GNAI2: variants seen among roughly 807,000 people sequenced by gnomAD.
GNAI2 encodes the protein guanine nucleotide-binding protein G(i) subunit alpha-2.
A neutral mutation model predicts 36.8 loss-of-function variants in GNAI2; 4 were observed. The ratio of observed to expected loss-of-function variants is 0.11; its 90% CI spans 0.05 to 0.25. The LOEUF (loss-of-function observed/expected upper bound fraction) is 0.25, where lower values mean the gene tolerates loss of function less well. Among genes scored for constraint, GNAI2 ranks in the 10% least tolerant of loss-of-function variants. The pLI is 1.00. For synonymous variants in GNAI2, 194 were observed against 194.1 expected (o/e 1.00, Z 0.01); for missense variants, 230 against 481.3 (o/e 0.48, Z 4.89).
At position 50,236,502 on chromosome 3, in the gene GNAI2, C is replaced by T; in HGVS notation, c.118+49C>T. On this transcript the variant is annotated intron_variant, in intron 1 of 8. Coordinates refer to ENST00000313601, the MANE Select transcript of GNAI2 (RefSeq NM_002070.4). The surrounding 1 kb of genome is among the most constrained non-coding windows in gnomAD (Gnocchi z 4.0). ...ATCCTTGATTCCCAGCTCGAATCCC[C>T]AGACAAGGACTTTGACCTCCCAGAC... is the stretch of plus-strand genomic sequence containing the variant. 6.4e-7 allele frequency: 1 copy of T among 1,553,038 alleles called. No individual in the cohort carries two copies. Among genetic ancestry groups the T allele is most frequent in the Non-Finnish European group, 8.7e-7 (1 of 1,155,248 alleles).
At chr3:50,232,670 T>G (rs1553699913), upstream of GNAI2, among the ~76,000 whole-genome samples, 1 of 152,190 alleles carries the variant, frequency 6.6e-6, no homozygotes, top group East Asian at 1.9e-4. Context: ...ACAGAAAGTT[T>G]CCGAGCAAGG....
In GNAI2 at chr3:50,241,706, C is replaced by G. The variant is rs1290570228; in HGVS notation, c.118+5253C>G. Reference sequence around the variant, plus strand: ...CAGGAGGTGGAAGTCAAACCAGTTGCGGGACACAGGCTTCCATGTCAGAAG... The same window carrying G: ...CAGGAGGTGGAAGTCAAACCAGTTGGGGGACACAGGCTTCCATGTCAGAAG... On this transcript the variant is annotated intron_variant, in intron 1 of 8. Coordinates refer to ENST00000313601, the MANE Select transcript of GNAI2 (RefSeq NM_002070.4). The surrounding 1 kb of genome is among the most constrained non-coding windows in gnomAD (Gnocchi z 5.0). Among the ~76,000 whole-genome samples the G allele has an allele frequency of 6.6e-6, 1 of 152,172 alleles. No homozygotes were observed. The highest frequency in any genetic ancestry group is 2.4e-5 in the African/African-American group (1 of 41,436).
In GNAI2 at chr3:50,252,033, G is replaced by T. The variant is rs978239967; in HGVS notation, c.119-67G>T. The T allele has an allele frequency of 4.1e-6, 6 of 1,469,084 alleles. No individual in the cohort carries two copies. In the African/African-American group the frequency reaches 4.2e-5, roughly 10 times the overall value. 91.0% of individuals were successfully genotyped at this position (1,469,084 alleles called of 1,614,324 possible). Reference sequence around the variant, plus strand: ...TGCCTCCTGGGCTACAGGTGTCTGGGCATTTGTTCTGTGCCTGTGGAGCCC... The same window carrying T: ...TGCCTCCTGGGCTACAGGTGTCTGGTCATTTGTTCTGTGCCTGTGGAGCCC... On this transcript the variant is annotated intron_variant, in intron 1 of 8. Coordinates refer to ENST00000313601, the MANE Select transcript of GNAI2 (RefSeq NM_002070.4). This position sits in a 1 kb window ranked among gnomAD's most constrained non-coding sequence, Gnocchi z 4.1.
At chr3:50,254,914 G>T (rs1195028900) in intron 4 of GNAI2, among the ~76,000 whole-genome samples, 1 of 152,202 alleles carries the variant, frequency 6.6e-6, no homozygotes, top group African/African-American at 2.4e-5. Flanking sequence ...CCTCTTCGCA[G>T]CAACCCTCCA....
upstream of GNAI2, among the ~76,000 whole-genome samples, chr3:50,228,215 T>C (rs587602541): frequency 2.6e-5 from 4 of 152,310 alleles, no homozygotes; most frequent in African/African-American, 9.6e-5. Flanking sequence ...ATCCTCAGGT[T>C]CTACTACTCA....
At chr3:50,243,961 G>A (rs1700356011) in intron 1 of GNAI2, among the ~76,000 whole-genome samples, 2 of 152,000 alleles carry the variant, frequency 1.3e-5, no homozygotes, top group South Asian at 4.1e-4. Context: ...CTGGAAGGTG[G>A]GACCCAAGAC....
In GNAI2 at chr3:50,259,168, T is replaced by C. The variant is rs1267692921; in HGVS notation, c.*825T>C. ...CCCCAGCGGCCCTGGCCCCAGGCTC[T>C]ATTAACCTAAAATGTAGCTCCCTAG... On this transcript the variant is annotated 3_prime_UTR_variant, in exon 9 of 9. Coordinates refer to ENST00000313601, the MANE Select transcript of GNAI2 (RefSeq NM_002070.4). 2 of 322,722 alleles carry C rather than the reference T, an allele frequency of 6.2e-6. No homozygotes were observed. The highest frequency in any genetic ancestry group is 4.3e-5 in the African/African-American group (2 of 46,058). The allele number at this position is 322,722 out of a possible 1,614,324, so 20.0% of individuals were successfully genotyped here.
At position 50,252,171 on chromosome 3, in the gene GNAI2, C is replaced by G. The variant is rs1553702550; in HGVS notation, c.161+29C>G. The G allele has an allele frequency of 6.2e-7, 1 of 1,606,630 alleles. No individual in the cohort carries two copies. Among genetic ancestry groups the G allele is most frequent in the South Asian group, 1.1e-5 (1 of 90,784 alleles). ...AGTGCTGTATTCCAGAGGCAGTGCTCAAACTCCAGCTTCCCCTCTTCACCC... is the reference window on the plus strand; with the variant it reads ...AGTGCTGTATTCCAGAGGCAGTGCTGAAACTCCAGCTTCCCCTCTTCACCC... On this transcript the variant is annotated intron_variant, in intron 2 of 8. Transcript: ENST00000313601. The surrounding 1 kb of genome is among the most constrained non-coding windows in gnomAD (Gnocchi z 4.1).
chr3:50,257,577 G>A lies in GNAI2; in HGVS notation c.955G>A (p.Glu319Lys). 6.2e-7 allele frequency: 1 copy of A among 1,608,572 alleles called. No homozygotes were observed. The highest frequency in any genetic ancestry group is 8.5e-7 in the Non-Finnish European group (1 of 1,176,516). Residue 319 changes from glutamate (E) to lysine (K), a missense_variant, in exon 8 of 9, where the codon GAG becomes AAG. This residue lies in a region of GNAI2 where 51 missense variants were observed against 56.7 expected (regional missense o/e 0.90). Coordinates refer to ENST00000313601, the MANE Select transcript of GNAI2 (RefSeq NM_002070.4). ...CCTGAATAAGCGCAAAGACACCAAG[G>A]AGATCTACACGCACTTCACGTGCGC... is the stretch of plus-strand genomic sequence containing the variant. ...EDLNKRKDTK[E>K]IYTHFTCATD...
chr3:50,251,638 T>C (rs1559773159), intron 1 of GNAI2: 2 of 1,319,332 alleles, frequency 1.5e-6, no homozygotes, highest in Non-Finnish European at 9.9e-7. Context: ...TTGCTAAGGC[T>C]CAGTGTGGGG....
At position 50,253,123 on chromosome 3, in the gene GNAI2, C is replaced by A. The variant is rs1233345395; in HGVS notation, c.403C>A (p.His135Asn). Residue 135 changes from histidine (H) to asparagine (N), a missense_variant, in exon 4 of 9, where the codon CAT (histidine) becomes AAT (asparagine). Around this residue, in one of 4 missense-constraint regions of GNAI2, gnomAD observed 132 missense variants for 247.4 expected, o/e 0.53. Transcript: ENST00000313601. The surrounding 1 kb of genome is among the most constrained non-coding windows in gnomAD (Gnocchi z 4.2). Reference sequence around the variant, plus strand: ...CGTCATCCGGAGGCTCTGGGCTGACCATGGTGTGCAGGCCTGCTTTGGCCG... The same window carrying A: ...CGTCATCCGGAGGCTCTGGGCTGACAATGGTGTGCAGGCCTGCTTTGGCCG... The part of the protein sequence containing the change: ...SGVIRRLWAD[H>N]GVQACFGRSR... The A allele has an allele frequency of 1.9e-6, 3 of 1,613,754 alleles. No individual in the cohort carries two copies. The highest frequency in any genetic ancestry group is 2.7e-5 in the African/African-American group (2 of 75,060).
In GNAI2 at chr3:50,256,987, G is replaced by C; in HGVS notation, c.774G>C (p.Lys258Asn). Reference protein sequence around the residue: ...MKLFDSICNNKWFTDTSIILF... With the variant: ...MKLFDSICNNNWFTDTSIILF... ...TATTCGATAGCATCTGCAACAACAA[G>C]TGGTTCACAGACACGTCCATCATCC... Residue 258 changes from lysine to asparagine, a missense_variant, in exon 7 of 9, where the codon AAG becomes AAC. By Grantham distance (94) the Lys-to-Asn change is moderately conservative. Around this residue, in one of 4 missense-constraint regions of GNAI2, gnomAD observed 30 missense variants for 128.7 expected, o/e 0.23. Coordinates refer to ENST00000313601, the MANE Select transcript of GNAI2 (RefSeq NM_002070.4). 1 of 1,614,140 alleles carries C rather than the reference G, an allele frequency of 6.2e-7. No homozygotes were observed. Among genetic ancestry groups the C allele is most frequent in the Non-Finnish European group, 8.5e-7 (1 of 1,179,964 alleles).
chr3:50,251,271 C>A, intron 1 of GNAI2: 2 of 674,408 alleles, frequency 3.0e-6, no homozygotes, highest in Non-Finnish European at 3.7e-6. Context: ...TTTTTCTGAG[C>A]CTCAATGTCC....
intron 1 of GNAI2, chr3:50,251,558 C>G (rs587684601): frequency 1.7e-6 from 2 of 1,189,376 alleles, no homozygotes; most frequent in Non-Finnish European, 2.1e-6. Flanking sequence ...GCGCAGTGAG[C>G]AGAGGGCGGG....
chr3:50,235,378 G>A (rs1700141006), upstream of GNAI2: 1 of 150,684 alleles, frequency 6.6e-6, no homozygotes, highest in Non-Finnish European at 1.5e-5. Context: ...TGCAATGAAT[G>A]GCGCGATCTC....
chr3:50,227,442 T>G (rs2109166600), upstream of GNAI2: 5 of 313,638 alleles, frequency 1.6e-5, no homozygotes, highest in Non-Finnish European at 1.2e-5. The surrounding 1 kb of genome is among the most constrained non-coding windows in gnomAD (Gnocchi z 5.9). Context: ...AGGCGGGGGC[T>G]GGGGCGCGGG....
At chr3:50,227,111 G>A (rs985432644), upstream of GNAI2, 2 of 1,370,990 alleles carry the variant, frequency 1.5e-6, no homozygotes, top group African/African-American at 3.0e-5. This position sits in a 1 kb window ranked among gnomAD's most constrained non-coding sequence, Gnocchi z 5.9. Context: ...GCGCGAGAAG[G>A]AGGGAGCGTC....
At chr3:50,237,030 G>T (rs1700189502) in intron 1 of GNAI2, among the ~76,000 whole-genome samples, 1 of 152,112 alleles carries the variant, frequency 6.6e-6, no homozygotes, top group African/African-American at 2.4e-5. Flanking sequence ...TCTCCAGCTG[G>T]AACCCCTTCA....
upstream of GNAI2, among the ~76,000 whole-genome samples, chr3:50,231,238 G>A (rs922335083): frequency 5.3e-5 from 8 of 152,114 alleles, no homozygotes; most frequent in Non-Finnish European, 1.2e-4. Flanking sequence ...ATTTCCAGAG[G>A]GGCAGCAGCT....
Sources: allele counts gnomAD v4.1 joint callset (sites outside exome capture counted in the v4.1 genomes callset), GRCh38; gene constraint gnomAD v4.1.1; regional missense constraint gnomAD v4.1.1; non-coding constraint Gnocchi (gnomAD v3.1); transcripts MANE v1.5; gene names NCBI Gene and HGNC (gene_info 2026-07-23, HGNC 2026-07-21).